The following C2orf80 variants were observed in gnomAD, a reference collection of about 807,000 sequenced individuals.
C2orf80 encodes the protein chromosome 2 open reading frame 80, also known as uncharacterized protein C2orf80.
A neutral mutation model predicts 30.2 loss-of-function variants in C2orf80; 28 were observed. The observed-to-expected ratio is 0.93, with a 90% CI of 0.69 to 1.27. The LOEUF is 1.27. Ranked by LOEUF, C2orf80 falls within the 50% of genes most tolerant of loss-of-function variation. The pLI is 0.00. For missense variants in C2orf80, 220 were observed against 231.0 expected (o/e 0.95, Z 0.31); for synonymous variants, 80 against 76.4 (o/e 1.05, Z -0.24).
At position 208,189,986 on chromosome 2, in the gene C2orf80, T is replaced by C. The variant is rs1401723956; in HGVS notation, c.-109A>G. ...GACCGGTTCCAGTGCTTTTGTTCTT[T>C]CTCTGCTTCTGGAGGCATGCTGAAG... is the stretch of plus-strand genomic sequence containing the variant. On this transcript the variant is annotated 5_prime_UTR_variant, in exon 1 of 9. Coordinates refer to ENST00000341287, the MANE Select transcript of C2orf80 (RefSeq NM_001099334.3). 2.8e-6 allele frequency: 2 copies of C among 702,910 alleles called. No homozygotes were observed. Among genetic ancestry groups the C allele is most frequent in the African/African-American group, 3.5e-5 (2 of 57,270 alleles). The allele number at this position is 702,910 out of a possible 1,614,324, so 43.5% of individuals were successfully genotyped here.
rs1168496229 is a variant in C2orf80 at position 208,182,836 on chromosome 2, G to GTT, written c.206+128_206+129insAA. 4.4e-5 allele frequency: 34 copies of GTT among 772,732 alleles called. No homozygotes were observed. In the East Asian group the frequency reaches 8.3e-4, roughly 19 times the overall value. 47.9% of individuals were successfully genotyped at this position (772,732 alleles called of 1,614,324 possible). A position where few individuals can be genotyped will look rare whatever the true frequency, so the allele number is the denominator to read the frequency against. ...GGTTCCTCAGGTGTCTCGTTGAAGAGGGATATTCACCCAGTAGTGTTTTCA... is the reference window on the plus strand; with the variant it reads ...GGTTCCTCAGGTGTCTCGTTGAAGAGTTGGATATTCACCCAGTAGTGTTTTCA... On this transcript the variant is annotated intron_variant, in intron 4 of 8. Transcript: ENST00000341287.
intron 8 of C2orf80, among the ~76,000 whole-genome samples, chr2:208,168,778 GAAGGGATTCAT>G (rs1695993794): frequency 5.3e-5 from 8 of 150,116 alleles, no homozygotes; most frequent in South Asian, 2.1e-4. Flanking sequence ...GGCTTTTCTG[GAAGGGATTCAT>G]CTCAGGACCT....
At chr2:208,169,028 A>G (rs981855984) in intron 8 of C2orf80, among the ~76,000 whole-genome samples, 8 of 151,888 alleles carry the variant, frequency 5.3e-5, no homozygotes, top group African/African-American at 1.9e-4. Context: ...CTTTATATAC[A>G]TGTGAGAAAT....
chr2:208,167,533 AAAAC>A (rs1357274651), intron 8 of C2orf80, among the ~76,000 whole-genome samples: 2 of 151,452 alleles, frequency 1.3e-5, no homozygotes, highest in Admixed American at 6.6e-5. Flanking sequence ...AAAAAAACAA[AAAAC>A]AAACAAACAA....
At chr2:208,171,104 T>G (rs1696084365) in intron 7 of C2orf80, 41 bp from the exon 8 acceptor site, 2 of 1,365,210 alleles carry the variant, frequency 1.5e-6, no homozygotes, top group Non-Finnish European at 1.0e-6. Flanking sequence ...TATAAAACTT[T>G]TTTAAAAATG....
chr2:208,174,620 A>G (rs1361317006), intron 6 of C2orf80, among the ~76,000 whole-genome samples: 5 of 152,176 alleles, frequency 3.3e-5, no homozygotes, highest in Admixed American at 3.3e-4. Flanking sequence ...AGACATGCCT[A>G]TTTACATATG....
At chr2:208,169,269 T>TGGTGTGTGTGTGTG (rs1696014390) in intron 8 of C2orf80, among the ~76,000 whole-genome samples, 1 of 137,968 alleles carries the variant, frequency 7.2e-6, no homozygotes, top group Admixed American at 7.4e-5. Flanking sequence ...AAAGTCTAGA[T>TGGTGTGTGTGTGTG]TGTGTGTGTG....
intron 6 of C2orf80, among the ~76,000 whole-genome samples, chr2:208,176,239 T>G (rs926130575): frequency 1.3e-5 from 2 of 152,220 alleles, no homozygotes; most frequent in Non-Finnish European, 1.5e-5. Flanking sequence ...TCAGTGGCAC[T>G]ATCTCCACTC....
At chr2:208,189,453 C>T (rs1386328665) in intron 1 of C2orf80, among the ~76,000 whole-genome samples, 2 of 152,198 alleles carry the variant, frequency 1.3e-5, no homozygotes, top group Admixed American at 1.3e-4. Context: ...GTGAGGCCAC[C>T]AACTAGCTGT....
chr2:208,186,481 C>G (rs1303480165), intron 2 of C2orf80, among the ~76,000 whole-genome samples: 3 of 152,094 alleles, frequency 2.0e-5, no homozygotes, highest in South Asian at 4.1e-4. Context: ...TTTCTGTGTT[C>G]GTTTTAAAAA....
At chr2:208,172,204 G>T (rs935904608) in intron 6 of C2orf80, 129 bp from the exon 7 acceptor site, 4 of 773,782 alleles carry the variant, frequency 5.2e-6, no homozygotes, top group Admixed American at 2.0e-5. Flanking sequence ...ACTGTCCAAC[G>T]GACACACTGT....
Position 208,180,745 on chromosome 2 carries a change from C to A in C2orf80, c.366G>T (p.Lys122Asn), listed in dbSNP as rs1339641133. Reference protein sequence around the residue: ...ADSSADSGTIKVPRVSSLCLS... With the variant: ...ADSSADSGTINVPRVSSLCLS... ...ATTGACAATCCCAGGTCACCCTTAC[C>A]TTGATGGTACCAGAATCGGCAGAAG... is the stretch of plus-strand genomic sequence containing the variant. The change falls in exon 6 of 9, where the codon AAG (lysine) becomes AAT (asparagine). Residue 122 changes from lysine to asparagine, a missense_variant and splice_region_variant. Transcript: ENST00000341287. 2 of 1,612,770 alleles carry A rather than the reference C, an allele frequency of 1.2e-6. No individual in the cohort carries two copies. Among genetic ancestry groups the A allele is most frequent in the Non-Finnish European group, 1.7e-6 (2 of 1,179,162 alleles).
At chr2:208,188,711 A>T (rs7579623) in intron 1 of C2orf80, among the ~76,000 whole-genome samples, 22,171 of 152,166 alleles carry the variant, frequency 0.15, 1,761 homozygotes, top group South Asian at 0.22. Context: ...AGCCTCCCAA[A>T]GTGCTGGGAT....
Position 208,176,973 on chromosome 2 carries a change from A to ACGTATACATATCTG in C2orf80, c.366+3771_366+3772insCAGATATGTATACG, listed in dbSNP as rs1559340657. Among the ~76,000 whole-genome samples, 13 of 92,240 alleles carry ACGTATACATATCTG rather than the reference A, an allele frequency of 1.4e-4. 4 individuals carry two copies. The highest frequency in any genetic ancestry group is 2.7e-4 in the African/African-American group (7 of 25,720). The allele number at this position is 92,240 out of a possible 152,430, so 60.5% of individuals were successfully genotyped here. The stretch of plus-strand genomic sequence containing the variant: ...CATATCTGTATACATATGTATACAT[A>ACGTATACATATCTG]TATACAGAAATGTATATGTATACAT... On this transcript the variant is annotated intron_variant, in intron 6 of 8. Coordinates refer to ENST00000341287, the MANE Select transcript of C2orf80 (RefSeq NM_001099334.3).
intron 1 of C2orf80, among the ~76,000 whole-genome samples, chr2:208,188,537 C>T (rs1332107695): frequency 6.6e-6 from 1 of 152,032 alleles, no homozygotes; most frequent in African/African-American, 2.4e-5. Context: ...CCTCTGCCTC[C>T]TGGGTTCAAG....
intron 8 of C2orf80, among the ~76,000 whole-genome samples, chr2:208,166,592 G>A (rs1246181294): frequency 6.6e-6 from 1 of 151,996 alleles, no homozygotes; most frequent in Non-Finnish European, 1.5e-5. Context: ...TTTCATGATA[G>A]CATGAATTTC....
chr2:208,186,367 T>C (rs1284457573), intron 2 of C2orf80, among the ~76,000 whole-genome samples: 2 of 152,256 alleles, frequency 1.3e-5, no homozygotes, highest in East Asian at 3.8e-4. Flanking sequence ...ATCTTTCTTT[T>C]TTCTTTTTAT....
chr2:208,188,084 C>A (rs1696770300), intron 1 of C2orf80, among the ~76,000 whole-genome samples: 1 of 93,940 alleles, frequency 1.1e-5, no homozygotes. Context: ...CTATACTGCA[C>A]CGTGTGTGTG....
chr2:208,179,962 A>T (rs1473023009), intron 6 of C2orf80, among the ~76,000 whole-genome samples: 1 of 152,166 alleles, frequency 6.6e-6, no homozygotes, highest in Non-Finnish European at 1.5e-5. Flanking sequence ...ACCAGCAGTG[A>T]GACCCGTCTT....
Sources: allele counts gnomAD v4.1 joint callset (sites outside exome capture counted in the v4.1 genomes callset), GRCh38; gene constraint gnomAD v4.1.1; transcripts MANE v1.5; gene names NCBI Gene and HGNC (gene_info 2026-07-23, HGNC 2026-07-21).